The following BRWD1 variants were observed in gnomAD, a reference collection of about 807,000 sequenced individuals.
BRWD1 encodes the protein bromodomain and WD repeat domain containing 1.
In BRWD1, 82 loss-of-function variants were observed where a neutral mutation model predicts 251.2. That is an observed-to-expected ratio of 0.33 (90% CI 0.27 to 0.39). The LOEUF (loss-of-function observed/expected upper bound fraction) is 0.39. BRWD1 is among the 10% of genes least tolerant of loss of function. The pLI is 1.00. For missense variants in BRWD1, 2,233 were observed against 2,711.6 expected, an observed-to-expected ratio of 0.82 and a Z score of 3.92; for synonymous variants, 918 against 902.8, an observed-to-expected ratio of 1.02 and a Z score of -0.30.
intron 4 of BRWD1, among the ~76,000 whole-genome samples, chr21:39,302,231 G>A (rs147201077): frequency 0.015 from 2,302 of 151,800 alleles, 55 homozygotes; most frequent in African/African-American, 0.053. Flanking sequence ...TAATCCACCC[G>A]CCTCAGCCTC....
At chr21:39,230,612 G>C (rs2033574930) in intron 25 of BRWD1, among the ~76,000 whole-genome samples, 1 of 152,070 alleles carries the variant, frequency 6.6e-6, no homozygotes, top group South Asian at 2.1e-4. Flanking sequence ...ACTGATACCT[G>C]AATGAAGCTT....
intron 37 of BRWD1, among the ~76,000 whole-genome samples, chr21:39,203,564 G>A (rs894463083): frequency 4.2e-5 from 6 of 142,698 alleles, no homozygotes; most frequent in Admixed American, 1.5e-4. Context: ...CCACCACCAC[G>A]CCCGGCTAAT....
intron 33 of BRWD1, 41 bp downstream of exon 33, chr21:39,213,440 G>T: frequency 1.3e-6 from 2 of 1,520,916 alleles, no homozygotes; most frequent in Non-Finnish European, 1.8e-6. Flanking sequence ...AATACCATTT[G>T]AAATTAACAA....
At chr21:39,256,243 A>G (rs1167380755) in intron 18 of BRWD1, among the ~76,000 whole-genome samples, 2 of 152,256 alleles carry the variant, frequency 1.3e-5, no homozygotes, top group African/African-American at 4.8e-5. Context: ...ACATTACATT[A>G]TATATGCATT....
intron 8 of BRWD1, among the ~76,000 whole-genome samples, chr21:39,285,391 A>C (rs2035601282): frequency 6.6e-6 from 1 of 152,216 alleles, no homozygotes; most frequent in South Asian, 2.1e-4. Flanking sequence ...AGGAAGAATA[A>C]GTTCTGGTGT....
intron 23 of BRWD1, among the ~76,000 whole-genome samples, chr21:39,233,875 C>T (rs183804531): frequency 1.8e-3 from 277 of 152,232 alleles, no homozygotes; most frequent in African/African-American, 6.4e-3. Context: ...CAAAAACTAA[C>T]CGAGCGTGGT....
At position 39,256,366 on chromosome 21, in the gene BRWD1, G is replaced by C. The variant is rs148494994; in HGVS notation, c.2072-538C>G. 3.7e-3 allele frequency among the ~76,000 whole-genome samples: 562 copies of C among 152,320 alleles called. 6 individuals carry two copies. The highest frequency in any genetic ancestry group is 0.027 in the Middle Eastern group (8 of 294). ...TGGTTTTACAAGAGCTCTTGCAACAGTAATCATGATTCTCATGATTCTCAA... is the reference window on the plus strand; with the variant it reads ...TGGTTTTACAAGAGCTCTTGCAACACTAATCATGATTCTCATGATTCTCAA... On this transcript the variant is annotated intron_variant, in intron 18 of 40. Transcript: ENST00000342449.
chr21:39,292,269 A>G (rs948627908), intron 8 of BRWD1, among the ~76,000 whole-genome samples: 2 of 152,096 alleles, frequency 1.3e-5, no homozygotes, highest in African/African-American at 4.8e-5. Flanking sequence ...AATAAATCTC[A>G]GCATAAGTCT....
intron 29 of BRWD1, among the ~76,000 whole-genome samples, chr21:39,220,333 A>G (rs1036486733): frequency 2.6e-5 from 4 of 152,250 alleles, no homozygotes; most frequent in Non-Finnish European, 5.9e-5. Context: ...TCCCTCAGCC[A>G]GACTGAAAAA....
intron 19 of BRWD1, among the ~76,000 whole-genome samples, chr21:39,254,533 A>G (rs1345572506): frequency 2.0e-5 from 3 of 152,320 alleles, no homozygotes; most frequent in Middle Eastern, 3.4e-3. Context: ...ACACACACAC[A>G]TACAAATTGG....
chr21:39,196,896 C>T lies in BRWD1; in HGVS notation c.6173G>A (p.Ser2058Asn), dbSNP rs753795292. The change falls in exon 41 of 41, where the codon AGT (serine) becomes AAT (asparagine). Residue 2058 changes from serine (S) to asparagine (N), a missense_variant. By Grantham distance (46) the Ser-to-Asn change is conservative. This residue lies in a region of BRWD1 where 928 missense variants were observed against 970.0 expected (regional missense o/e 0.96). Coordinates refer to ENST00000342449, the MANE Select transcript of BRWD1 (RefSeq NM_033656.4). ...ATCAGTCTCACTCCCTGGAATATGACTTTTTGAATCTTCTCCTGAAGATGT... is the reference window on the plus strand; with the variant it reads ...ATCAGTCTCACTCCCTGGAATATGATTTTTTGAATCTTCTCCTGAAGATGT... The part of the protein sequence containing the change: ...SVTSSGEDSK[S>N]HIPGSETDRT... 11 of 1,613,862 alleles carry T rather than the reference C, an allele frequency of 6.8e-6. No homozygotes were observed. The South Asian group carries it at 7.7e-5, about 11-fold the overall frequency.
At chr21:39,296,957 A>G (rs2035977375) in intron 5 of BRWD1, 1 of 985,066 alleles carries the variant, frequency 1.0e-6, no homozygotes, top group South Asian at 4.7e-5. Context: ...CAATACTACC[A>G]TGACTTTAGT....
At chr21:39,261,307 G>T (rs1208702148) in intron 17 of BRWD1, among the ~76,000 whole-genome samples, 1 of 152,142 alleles carries the variant, frequency 6.6e-6, no homozygotes, top group Non-Finnish European at 1.5e-5. Context: ...TAAAAAAGCA[G>T]TTGCACAAAA....
rs1044615351 is a variant in BRWD1 at position 39,225,215 on chromosome 21, A to G, written c.3209-18T>C. 7.3e-6 allele frequency: 11 copies of G among 1,505,188 alleles called. No individual in the cohort carries two copies. Among genetic ancestry groups the G allele is most frequent in the Non-Finnish European group, 9.2e-6 (10 of 1,081,900 alleles). The allele number at this position is 1,505,188 out of a possible 1,614,324, so 93.2% of individuals were successfully genotyped here. On this transcript the variant is annotated intron_variant, in intron 27 of 40. Coordinates refer to ENST00000342449, the MANE Select transcript of BRWD1 (RefSeq NM_033656.4). The stretch of plus-strand genomic sequence containing the variant: ...TCTGTCACCTAGGAGAGAAATGATC[A>G]AGTCTGAGGCATTTCTCTGCTAACA...
At chr21:39,224,053 T>C (rs1043739513) in intron 29 of BRWD1, among the ~76,000 whole-genome samples, 5 of 152,222 alleles carry the variant, frequency 3.3e-5, no homozygotes, top group African/African-American at 1.2e-4. Flanking sequence ...TTTCACCATG[T>C]TGGCCAGGCT....
At chr21:39,241,786 C>T (rs1278758678) in intron 21 of BRWD1, among the ~76,000 whole-genome samples, 1 of 152,082 alleles carries the variant, frequency 6.6e-6, no homozygotes, top group Non-Finnish European at 1.5e-5. Context: ...CATTTTTAAA[C>T]AGCATGAGCT....
intron 6 of BRWD1, 25 bp from the exon 7 acceptor site, chr21:39,295,928 G>C (rs1212080273): frequency 6.6e-7 from 1 of 1,522,638 alleles, no homozygotes; most frequent in African/African-American, 1.4e-5. Flanking sequence ...CAATGAAAAT[G>C]GTTAAGGGAG....
chr21:39,224,185 G>T (rs557569624), intron 29 of BRWD1, among the ~76,000 whole-genome samples: 2 of 152,130 alleles, frequency 1.3e-5, no homozygotes, highest in Non-Finnish European at 2.9e-5. Flanking sequence ...CATGAGAAAC[G>T]ACAGCAAGCT....
At position 39,187,294 on chromosome 21, in the gene BRWD1, C is replaced by A. The variant is rs1555842749; in HGVS notation, c.*8965G>T. Reference sequence around the variant, plus strand: ...ATTTGCAGCAACAGTAGCACATCTGCGGGGAACTTTCTCAGGTACCATTTT... The same window carrying A: ...ATTTGCAGCAACAGTAGCACATCTGAGGGGAACTTTCTCAGGTACCATTTT... On this transcript the variant is annotated 3_prime_UTR_variant, in exon 41 of 41. Transcript: ENST00000342449. 6.2e-7 allele frequency: 1 copy of A among 1,613,968 alleles called. No homozygotes were observed. The highest frequency in any genetic ancestry group is 1.1e-5 in the South Asian group (1 of 91,074).
Sources: gnomAD v4.1 joint callset for allele counts (sites outside exome capture counted in the v4.1 genomes callset) on GRCh38, gnomAD v4.1.1 for gene constraint, gnomAD v4.1.1 regional missense constraint, MANE v1.5 for transcripts, NCBI Gene and HGNC (gene_info 2026-07-23, HGNC 2026-07-21) for gene names.